RAVER2: variants seen among roughly 807,000 people sequenced by gnomAD.
The protein encoded by RAVER2 is ribonucleoprotein PTB-binding 2.
In RAVER2, 46 loss-of-function variants were observed where a neutral mutation model predicts 78.1. The observed-to-expected ratio is 0.59, with a 90% CI of 0.46 to 0.75. RAVER2 has a LOEUF of 0.75. RAVER2 is among the 30% of genes least tolerant of loss of function. RAVER2 has a pLI of 0.00. For synonymous variants in RAVER2, 311 were observed against 313.3 expected, an observed-to-expected ratio of 0.99 and a Z score of 0.08; for missense variants, 793 against 837.5, an observed-to-expected ratio of 0.95 and a Z score of 0.66.
In RAVER2 at chr1:64,777,472, A is replaced by G. The variant is rs537733043; in HGVS notation, c.317-151A>G. 6.8e-4 allele frequency: 421 copies of G among 622,222 alleles called. 1 individual carries two copies. The African/African-American group carries it at 7.3e-3, about 11-fold the overall frequency. 38.5% of individuals were successfully genotyped at this position (622,222 alleles called of 1,614,324 possible). A position where few individuals can be genotyped will look rare whatever the true frequency, so the allele number is the denominator to read the frequency against. On this transcript the variant is annotated intron_variant, in intron 2 of 11. Coordinates refer to ENST00000294428, the Ensembl canonical transcript of RAVER2. ...CTGAAATAGAATAAAAAATGTCACA[A>G]TGCATTGCATATAGTAGGGGTATTA...
chr1:64,792,308 C>A (rs895676552), intron 5 of RAVER2, among the ~76,000 whole-genome samples: 2 of 152,188 alleles, frequency 1.3e-5, no homozygotes, highest in African/African-American at 4.8e-5. Context: ...CAGACACAAA[C>A]ATATTCTGTA....
At chr1:64,749,234 G>A (rs12084570) in intron 1 of RAVER2, among the ~76,000 whole-genome samples, 1,660 of 151,978 alleles carry the variant, frequency 0.011, 34 homozygotes, top group African/African-American at 0.038. Flanking sequence ...TTTTTGAGAC[G>A]GATTCTCACT....
chr1:64,768,640 T>A lies in RAVER2; in HGVS notation c.250-16T>A. ...CATTTGTATGTTTACTGAATTCGTG[T>A]TTTTTTCTCTTTCAGGAAGTTCATG... On this transcript the variant is annotated splice_polypyrimidine_tract_variant and intron_variant, in intron 1 of 11. Coordinates refer to ENST00000294428, the Ensembl canonical transcript of RAVER2. The A allele has an allele frequency of 6.7e-7, 1 of 1,502,020 alleles. No homozygotes were observed. The highest frequency in any genetic ancestry group is 1.4e-5 in the African/African-American group (1 of 72,208). The allele number at this position is 1,502,020 out of a possible 1,614,324, so 93.0% of individuals were successfully genotyped here.
At chr1:64,821,753 A>G (rs1168811950) in intron 11 of RAVER2, among the ~76,000 whole-genome samples, 1 of 152,246 alleles carries the variant, frequency 6.6e-6, no homozygotes, top group East Asian at 1.9e-4. Flanking sequence ...CTTACACCAT[A>G]TACAAAAATC....
chr1:64,777,466 G>A (rs554707782), intron 2 of RAVER2, among the ~76,000 whole-genome samples, 157 bp from the exon 3 acceptor site: 1 of 152,116 alleles, frequency 6.6e-6, no homozygotes, highest in Non-Finnish European at 1.5e-5. Context: ...AATAAAAAAT[G>A]TCACAATGCA....
chr1:64,758,628 C>G (rs1199853352), intron 1 of RAVER2, among the ~76,000 whole-genome samples: 2 of 152,062 alleles, frequency 1.3e-5, no homozygotes, highest in African/African-American at 4.8e-5. Context: ...AGTCCTAATA[C>G]CACAAAGAAC....
chr1:64,790,345 A>G (rs894126904), intron 5 of RAVER2, among the ~76,000 whole-genome samples: 2 of 152,028 alleles, frequency 1.3e-5, no homozygotes, highest in African/African-American at 4.8e-5. Context: ...CAGTGTACCT[A>G]CTCTGTATAC....
At position 64,768,589 on chromosome 1, in the gene RAVER2, A is replaced by G. The variant is rs1652235354; in HGVS notation, c.250-67A>G. ...GTAATGGTGGTGGTGGTGGTAGGCTAATAGAGCTAGATTATCTAGTAACTG... is the reference window on the plus strand; with the variant it reads ...GTAATGGTGGTGGTGGTGGTAGGCTGATAGAGCTAGATTATCTAGTAACTG... On this transcript the variant is annotated intron_variant, in intron 1 of 11. Transcript: ENST00000294428. 6.2e-6 allele frequency: 6 copies of G among 971,390 alleles called. No individual in the cohort carries two copies. The South Asian group carries it at 8.2e-5, about 13-fold the overall frequency. The allele number at this position is 971,390 out of a possible 1,614,324, so 60.2% of individuals were successfully genotyped here.
At chr1:64,773,391 G>T (rs1168758854) in intron 2 of RAVER2, among the ~76,000 whole-genome samples, 1 of 151,028 alleles carries the variant, frequency 6.6e-6, no homozygotes. Flanking sequence ...GTGTCCATTT[G>T]TTCTCATTGT....
intron 9 of RAVER2, among the ~76,000 whole-genome samples, chr1:64,808,027 A>G (rs901038068): frequency 1.3e-5 from 2 of 152,176 alleles, no homozygotes; most frequent in Non-Finnish European, 2.9e-5. Flanking sequence ...TCTTAAATAT[A>G]TATTTGGTAG....
chr1:64,752,752 A>C (rs1468748106), intron 1 of RAVER2, among the ~76,000 whole-genome samples: 1 of 152,234 alleles, frequency 6.6e-6, no homozygotes, highest in Non-Finnish European at 1.5e-5. Context: ...AATACATGAT[A>C]GCCCCTTGGT....
At chr1:64,759,050 C>G (rs1056118682) in intron 1 of RAVER2, among the ~76,000 whole-genome samples, 1 of 151,520 alleles carries the variant, frequency 6.6e-6, no homozygotes, top group Non-Finnish European at 1.5e-5. Flanking sequence ...AAAAACTGCT[C>G]AAGGAGAACC....
chr1:64,823,802 ATTTTT>A (rs759134955), intron 11 of RAVER2, among the ~76,000 whole-genome samples: 1 of 122,846 alleles, frequency 8.1e-6, no homozygotes. Context: ...GTAAGTTGTG[ATTTTT>A]TTTTTTTTTT....
intron 11 of RAVER2, among the ~76,000 whole-genome samples, chr1:64,822,978 G>A (rs1305561161): frequency 1.3e-5 from 2 of 152,100 alleles, no homozygotes; most frequent in African/African-American, 4.8e-5. Flanking sequence ...TCCAGAATAG[G>A]CAAATCCATA....
chr1:64,828,943 C>G (rs1217920912), intron 11 of RAVER2, among the ~76,000 whole-genome samples: 1 of 152,080 alleles, frequency 6.6e-6, no homozygotes, highest in Admixed American at 6.5e-5. Flanking sequence ...TTTTGAATGT[C>G]TTATTTTACT....
At chr1:64,779,782 C>A (rs1282446506) in intron 3 of RAVER2, among the ~76,000 whole-genome samples, 1 of 150,932 alleles carries the variant, frequency 6.6e-6, no homozygotes, top group African/African-American at 2.4e-5. Context: ...AATTGTGAAC[C>A]CCCCCGAGTT....
At chr1:64,753,287 T>C (rs1651750469) in intron 1 of RAVER2, among the ~76,000 whole-genome samples, 1 of 152,140 alleles carries the variant, frequency 6.6e-6, no homozygotes, top group African/African-American at 2.4e-5. Flanking sequence ...ACTCCTAGGC[T>C]CAACCAATCT....
intron 11 of RAVER2, among the ~76,000 whole-genome samples, chr1:64,818,638 T>C (rs1448424122): frequency 6.6e-6 from 1 of 152,184 alleles, no homozygotes; most frequent in Non-Finnish European, 1.5e-5. Context: ...GGGAGAATTA[T>C]TCCTTGAAAC....
At chr1:64,757,383 G>T (rs374357023) in intron 1 of RAVER2, among the ~76,000 whole-genome samples, 1 of 152,286 alleles carries the variant, frequency 6.6e-6, no homozygotes, top group East Asian at 1.9e-4. Flanking sequence ...AGGTCATAAG[G>T]GTGGGTTCCT....
Sources: gnomAD v4.1 joint callset for allele counts (sites outside exome capture counted in the v4.1 genomes callset) on GRCh38, gnomAD v4.1.1 for gene constraint, MANE v1.5 for transcripts, NCBI Gene and HGNC (gene_info 2026-07-23, HGNC 2026-07-21) for gene names.